PPP2R2B: variants seen among roughly 807,000 people sequenced by gnomAD.
The protein encoded by PPP2R2B is serine/threonine-protein phosphatase 2A 55 kDa regulatory subunit B beta isoform.
A neutral mutation model predicts 46.0 loss-of-function variants in PPP2R2B; 5 were observed. The ratio of observed to expected loss-of-function variants is 0.11; its 90% CI spans 0.06 to 0.23. The LOEUF is 0.23. Ranked by LOEUF, PPP2R2B falls within the 10% of genes least tolerant of loss-of-function variation. The pLI is 1.00. For missense variants in PPP2R2B, 367 were observed against 575.0 expected (o/e 0.64, Z 3.70); for synonymous variants, 215 against 206.7 (o/e 1.04, Z -0.34).
intron 1 of PPP2R2B, among the ~76,000 whole-genome samples, chr5:146,999,013 C>CAA (rs60753702): frequency 0.035 from 2,281 of 65,056 alleles, 89 homozygotes; most frequent in Non-Finnish European, 0.043. Context: ...GACTCCATAT[C>CAA]AAAAAAAAAA....
chr5:146,616,682 A>G (rs2151045638), intron 7 of PPP2R2B, among the ~76,000 whole-genome samples: 1 of 152,348 alleles, frequency 6.6e-6, no homozygotes, highest in East Asian at 1.9e-4. Flanking sequence ...ATTAGATATC[A>G]TCTGACCCTA....
chr5:146,670,475 T>A (rs1777272252), intron 5 of PPP2R2B, among the ~76,000 whole-genome samples: 2 of 90,666 alleles, frequency 2.2e-5, no homozygotes, highest in South Asian at 7.7e-4. Flanking sequence ...TTATGTGTAC[T>A]ATTATTTATT....
chr5:146,710,668 G>C (rs1780166310), intron 2 of PPP2R2B, among the ~76,000 whole-genome samples: 2 of 152,350 alleles, frequency 1.3e-5, no homozygotes, highest in South Asian at 4.1e-4. Flanking sequence ...AAAAAGCAGA[G>C]GAGTAATTAA....
At chr5:147,060,313 TAGTAAACATG>T (rs1343783188), upstream of PPP2R2B, among the ~76,000 whole-genome samples, 3 of 152,184 alleles carry the variant, frequency 2.0e-5, no homozygotes, top group Non-Finnish European at 4.4e-5. Context: ...AAGGAATCAA[TAGTAAACATG>T]ACAGATAAAA....
intron 2 of PPP2R2B, among the ~76,000 whole-genome samples, chr5:147,072,078 A>T (rs894689280): frequency 1.3e-5 from 2 of 152,190 alleles, no homozygotes; most frequent in Admixed American, 1.3e-4. Context: ...CTGGTGTAGG[A>T]TTCAAAACTT....
rs181531664 is a variant in PPP2R2B, at chr5:146,592,562, C to A, written c.1052+409G>T. ...AATTCAGTTAATGAACTACCAGGGC[C>A]GTTGGCCAGGTCTCCACTAGCAGCT... On this transcript the variant is annotated intron_variant, in intron 9 of 9. Transcript: ENST00000394411. Among the ~76,000 whole-genome samples the A allele has an allele frequency of 8.9e-4, 135 of 152,310 alleles. 1 individual carries two copies. Among genetic ancestry groups the A allele is most frequent in the African/African-American group, 3.2e-3 (131 of 41,564 alleles).
chr5:146,875,894 C>G (rs1424259132), intron 2 of PPP2R2B, among the ~76,000 whole-genome samples: 1 of 152,166 alleles, frequency 6.6e-6, no homozygotes, highest in Non-Finnish European at 1.5e-5. Flanking sequence ...GACTCTTCCC[C>G]CTCTGGCAAC....
intron 6 of PPP2R2B, among the ~76,000 whole-genome samples, chr5:146,642,063 G>A (rs1405849178): frequency 1.3e-5 from 2 of 152,182 alleles, no homozygotes; most frequent in Non-Finnish European, 2.9e-5. Context: ...CTGAGCCCAG[G>A]CAAATTACAT....
chr5:146,825,024 A>C lies in PPP2R2B; in HGVS notation c.70+52978T>G, dbSNP rs567941406. On this transcript the variant is annotated intron_variant, in intron 2 of 9. Coordinates refer to ENST00000394411, the MANE Select transcript of PPP2R2B (RefSeq NM_181675.4). ...CAGGCGTGAGCCACCGCACCCAGCC[A>C]AAAATCAATAATTTTAAATGTTTCA... Among the ~76,000 whole-genome samples the C allele has an allele frequency of 1.4e-3, 213 of 152,326 alleles. 1 individual carries two copies. The South Asian group carries it at 0.03, about 21-fold the overall frequency.
At chr5:146,900,391 G>A (rs755444835) in intron 1 of PPP2R2B, among the ~76,000 whole-genome samples, 14 of 152,168 alleles carry the variant, frequency 9.2e-5, no homozygotes, top group Non-Finnish European at 1.5e-4. Context: ...CTGGGACTTT[G>A]AGGCAAGGTT....
intron 1 of PPP2R2B, among the ~76,000 whole-genome samples, chr5:146,894,044 T>G (rs185550118): frequency 6.6e-6 from 1 of 152,164 alleles, no homozygotes; most frequent in Non-Finnish European, 1.5e-5. Context: ...AGACTCAGTC[T>G]CAAAACAACA....
chr5:146,805,710 G>A (rs1000949062), intron 2 of PPP2R2B, among the ~76,000 whole-genome samples: 9 of 152,242 alleles, frequency 5.9e-5, no homozygotes, highest in East Asian at 3.9e-4. Context: ...GGTATTTTAC[G>A]TAAATGATAC....
At chr5:147,032,348 T>C (rs554326229) in intron 1 of PPP2R2B, among the ~76,000 whole-genome samples, 1 of 152,358 alleles carries the variant, frequency 6.6e-6, no homozygotes, top group Admixed American at 6.5e-5. Flanking sequence ...CGCAATGTGA[T>C]ACCACCTTAC....
At chr5:146,756,604 A>T (rs1753846813) in intron 2 of PPP2R2B, among the ~76,000 whole-genome samples, 1 of 152,194 alleles carries the variant, frequency 6.6e-6, no homozygotes, top group Admixed American at 6.5e-5. Context: ...CTGGCTGCAA[A>T]GTCTTAAGCA....
chr5:147,021,128 T>C (rs1025636942), intron 1 of PPP2R2B, among the ~76,000 whole-genome samples: 1 of 152,164 alleles, frequency 6.6e-6, no homozygotes, highest in Non-Finnish European at 1.5e-5. Context: ...AAAACTGTTG[T>C]TGTACAAAAT....
At chr5:146,736,778 T>C (rs1752564237) in intron 2 of PPP2R2B, among the ~76,000 whole-genome samples, 1 of 152,218 alleles carries the variant, frequency 6.6e-6, no homozygotes, top group Non-Finnish European at 1.5e-5. Flanking sequence ...GATTGCAGCT[T>C]TGTGTTTTCA....
At chr5:146,688,721 A>G (rs1201121082) in intron 5 of PPP2R2B, among the ~76,000 whole-genome samples, 2 of 152,148 alleles carry the variant, frequency 1.3e-5, no homozygotes, top group African/African-American at 4.8e-5. Context: ...GCTCTTTATC[A>G]TAGGGATGGA....
intron 1 of PPP2R2B, among the ~76,000 whole-genome samples, chr5:146,898,399 G>C (rs576561182): frequency 4.2e-4 from 64 of 152,228 alleles, no homozygotes; most frequent in Middle Eastern, 3.4e-3. Flanking sequence ...AATAAATGGT[G>C]CTGGGAAAAC....
In PPP2R2B at chr5:147,069,269, G is replaced by A. The variant is rs992589831; in HGVS notation, c.50+11790C>T. 3.3e-5 allele frequency among the ~76,000 whole-genome samples: 5 copies of A among 152,066 alleles called. No individual in the cohort carries two copies. The East Asian group carries it at 7.7e-4, about 23-fold the overall frequency. ...GTATGAAGAGCTCTACGTCAGAAGC[G>A]AAAACAAAACAAAAAGAGTTGAGTT... On this transcript the variant is annotated intron_variant, in intron 2 of 10. Transcript: ENST00000394413.
Sources: allele counts gnomAD v4.1 joint callset (sites outside exome capture counted in the v4.1 genomes callset), GRCh38; gene constraint gnomAD v4.1.1; transcripts MANE v1.5; gene names NCBI Gene and HGNC (gene_info 2026-07-23, HGNC 2026-07-21).